BMP1: variants seen among roughly 807,000 people sequenced by gnomAD.
The protein encoded by BMP1 is mammalian tolloid protein.
In BMP1, 63 loss-of-function variants were observed where a neutral mutation model predicts 116.8. That is an observed-to-expected ratio of 0.54 (90% CI 0.44 to 0.67). The LOEUF is 0.67. BMP1 is among the 30% of genes least tolerant of loss of function. BMP1 has a pLI of 0.00. For missense variants in BMP1, 1,183 were observed against 1,358.9 expected, an observed-to-expected ratio of 0.87 and a Z score of 2.04; for synonymous variants, 536 against 533.4, an observed-to-expected ratio of 1.00 and a Z score of -0.07.
chr8:22,210,023 C>A (rs1044902069), intron 19 of BMP1, among the ~76,000 whole-genome samples: 1 of 152,282 alleles, frequency 6.6e-6, no homozygotes, highest in Non-Finnish European at 1.5e-5. Flanking sequence ...TACCCCTCCC[C>A]CAAGGCAGCC....
At chr8:22,173,926 T>G (rs1828356692) in intron 2 of BMP1, among the ~76,000 whole-genome samples, 1 of 152,226 alleles carries the variant, frequency 6.6e-6, no homozygotes, top group Admixed American at 6.5e-5. Flanking sequence ...GAACTGACAT[T>G]CTTTTTGTTT....
intron 16 of BMP1, among the ~76,000 whole-genome samples, chr8:22,203,390 T>C (rs1012881069): frequency 2.0e-5 from 3 of 152,102 alleles, no homozygotes; most frequent in African/African-American, 7.2e-5. Context: ...AACCCGTCTC[T>C]ACTAGAAATA....
chr8:22,196,313 T>C (rs755367428), intron 13 of BMP1: 28 of 566,102 alleles, frequency 4.9e-5, no homozygotes, highest in Admixed American at 9.5e-5. Context: ...CCGATCCTGC[T>C]GTGCCCCCGA....
intron 15 of BMP1, chr8:22,199,006 C>T (rs1470170245): frequency 7.6e-7 from 1 of 1,317,098 alleles, no homozygotes; most frequent in East Asian, 4.7e-5. Context: ...CTCTTCCTGC[C>T]CTTCTGTTGC....
At chr8:22,208,047 C>T (rs1028042389) in intron 18 of BMP1, among the ~76,000 whole-genome samples, 1 of 145,202 alleles carries the variant, frequency 6.9e-6, no homozygotes, top group East Asian at 2.0e-4. Flanking sequence ...CCATGCCCAG[C>T]TAATTTTTGT....
intron 8 of BMP1, among the ~76,000 whole-genome samples, chr8:22,186,682 G>C (rs769151490): frequency 2.6e-5 from 4 of 151,836 alleles, no homozygotes; most frequent in Non-Finnish European, 5.9e-5. Flanking sequence ...GGCCAGTCTC[G>C]TCTTGAACTC....
Position 22,195,611 on chromosome 8 carries a change from G to A in BMP1, c.1765+24G>A, listed in dbSNP as rs367985061. 3.8e-5 allele frequency: 61 copies of A among 1,592,924 alleles called. No individual in the cohort carries two copies. The African/African-American group carries it at 7.1e-4, about 19-fold the overall frequency. On this transcript the variant is annotated intron_variant, in intron 13 of 19. Transcript: ENST00000306385. ...GGGTGAGTGCCCCCAGACTGCCTCT[G>A]ACCCTGTTCTTTCCCTGGCACCAGC... is the stretch of plus-strand genomic sequence containing the variant.
At chr8:22,204,486 G>C (rs1359485931) in intron 16 of BMP1, among the ~76,000 whole-genome samples, 2 of 152,230 alleles carry the variant, frequency 1.3e-5, no homozygotes, top group African/African-American at 4.8e-5. Flanking sequence ...ACTTTGGGAA[G>C]CTGATGGGGG....
chr8:22,210,602 A>G (rs1829447208), intron 19 of BMP1, among the ~76,000 whole-genome samples: 1 of 152,096 alleles, frequency 6.6e-6, no homozygotes, highest in Non-Finnish European at 1.5e-5. Flanking sequence ...GGAAGGGTTA[A>G]AGCTCCTGGA....
chr8:22,201,152 C>T, intron 15 of BMP1: 1 of 1,613,350 alleles, frequency 6.2e-7, no homozygotes, highest in East Asian at 2.2e-5. Context: ...CTCGGGGACG[C>T]CCCCACCAGC....
chr8:22,207,332 G>A lies in BMP1; in HGVS notation c.2391G>A (p.Gln797=), dbSNP rs772043215. 1.9e-6 allele frequency: 3 copies of A among 1,613,912 alleles called. No homozygotes were observed. The highest frequency in any genetic ancestry group is 2.5e-6 in the Non-Finnish European group (3 of 1,179,772). The change falls in exon 18 of 20, where the codon CAG becomes CAA. Residue 797 remains glutamine, a synonymous_variant. Transcript: ENST00000306385. ...TCATGGAGATGGACATCGAGTCCCA[G>A]CCTGAGTGTGCCTACGACCACCTAG... The part of the protein sequence containing the change: ...LTFMEMDIES[Q]PECAYDHLEV...
In BMP1 at chr8:22,207,053, A is replaced by T. The variant is rs1829373821; in HGVS notation, c.2361+72A>T. ...TCAGAGGCACTGCCCAGAGCCACAC[A>T]GGCTGCAGGCTGAGCCCAGAGGTCT... On this transcript the variant is annotated intron_variant, in intron 17 of 19. Coordinates refer to ENST00000306385, the MANE Select transcript of BMP1 (RefSeq NM_006129.5). 5.1e-6 allele frequency: 8 copies of T among 1,577,338 alleles called. 1 individual carries two copies. The Admixed American group carries it at 1.3e-4, about 25-fold the overall frequency.
chr8:22,201,589 C>A (rs1829264576), intron 15 of BMP1: 1 of 1,385,402 alleles, frequency 7.2e-7, no homozygotes, highest in Non-Finnish European at 9.5e-7. Flanking sequence ...CTCCCCACAG[C>A]TGGGCCCTGC....
At chr8:22,176,075 G>A (rs780640730) in intron 2 of BMP1, 68 bp from the exon 3 acceptor site, 9 of 1,525,078 alleles carry the variant, frequency 5.9e-6, no homozygotes, top group Non-Finnish European at 8.1e-6. Context: ...GAAAAATGAG[G>A]TTTGACTATG....
intron 16 of BMP1, among the ~76,000 whole-genome samples, chr8:22,203,891 G>A (rs2131898671): frequency 6.6e-6 from 1 of 152,330 alleles, no homozygotes; most frequent in Non-Finnish European, 1.5e-5. Flanking sequence ...AAGATGGTTT[G>A]ATAAAGAACA....
intron 7 of BMP1, among the ~76,000 whole-genome samples, 163 bp from the exon 8 acceptor site, chr8:22,180,205 G>T (rs1365711291): frequency 6.6e-6 from 1 of 152,046 alleles, no homozygotes; most frequent in Non-Finnish European, 1.5e-5. Flanking sequence ...TATATGTGAG[G>T]TAGGGGGGTG....
chr8:22,196,182 G>T (rs758581209), intron 13 of BMP1: 15 of 522,412 alleles, frequency 2.9e-5, no homozygotes, highest in African/African-American at 2.7e-4. Context: ...ACCCACCAGG[G>T]TGTTATGATC....
At chr8:22,198,894 C>T (rs900370399) in intron 15 of BMP1, 10 of 1,139,468 alleles carry the variant, frequency 8.8e-6, no homozygotes, top group Non-Finnish European at 1.1e-5. Flanking sequence ...TTCCCTGTGC[C>T]CACCTGGGAC....
At position 22,196,798 on chromosome 8, in the gene BMP1, C is replaced by A. The variant is rs1289548166; in HGVS notation, c.1884C>A (p.Arg628=). Residue 628 remains arginine (R), a synonymous_variant, in exon 14 of 20, where the codon CGC becomes CGA. Coordinates refer to ENST00000306385, the MANE Select transcript of BMP1 (RefSeq NM_006129.5). ...AGCTGGTGGCCCCCACCCAGTACCGCATCTCCCTGCAGTTTGACTTCTTTG... is the reference window on the plus strand; with the variant it reads ...AGCTGGTGGCCCCCACCCAGTACCGAATCTCCCTGCAGTTTGACTTCTTTG... ...IWQLVAPTQY[R]ISLQFDFFET... 4 of 1,613,964 alleles carry A rather than the reference C, an allele frequency of 2.5e-6. No individual in the cohort carries two copies. In the African/African-American group the frequency reaches 5.3e-5, roughly 22 times the overall value.
Sources: allele counts gnomAD v4.1 joint callset (sites outside exome capture counted in the v4.1 genomes callset), GRCh38; gene constraint gnomAD v4.1.1; transcripts MANE v1.5; gene names NCBI Gene and HGNC (gene_info 2026-07-23, HGNC 2026-07-21).